The following LAMA2 variants were observed in gnomAD, a reference collection of about 807,000 sequenced individuals.
LAMA2 encodes the protein laminin subunit alpha 2, also known as laminin subunit alpha-2.
LAMA2 carries 269 observed loss-of-function variants against 364.8 expected under a neutral mutation model. The observed-to-expected ratio is 0.74, with a 90% CI of 0.67 to 0.82. The LOEUF (loss-of-function observed/expected upper bound fraction) is 0.82. LAMA2 is among the 40% of genes least tolerant of loss of function. The probability of loss-of-function intolerance (pLI) is 0.00; values close to 1 mark genes in which losing one functional copy is unlikely to be tolerated. For missense variants in LAMA2, 3,807 were observed against 3,873.2 expected (o/e 0.98, Z 0.45); for synonymous variants, 1,379 against 1,370.6 (o/e 1.01, Z -0.14).
intron 22 of LAMA2, among the ~76,000 whole-genome samples, chr6:129,301,794 G>A (rs1485984704): frequency 6.6e-6 from 1 of 152,058 alleles, no homozygotes; most frequent in Non-Finnish European, 1.5e-5. Flanking sequence ...CCATTGCAGT[G>A]AAGTCCCCAT....
chr6:129,157,520 C>T (rs1405530893), intron 8 of LAMA2: 33 of 1,611,870 alleles, frequency 2.0e-5, no homozygotes, highest in Non-Finnish European at 2.5e-5. Flanking sequence ...GATGGTTTAA[C>T]CGTCAGATTT....
intron 3 of LAMA2, among the ~76,000 whole-genome samples, chr6:129,071,604 C>T (rs1221747820): frequency 2.6e-5 from 4 of 151,942 alleles, no homozygotes; most frequent in Non-Finnish European, 5.9e-5. Flanking sequence ...TTGTATTTTT[C>T]ATTATCATTT....
intron 8 of LAMA2, among the ~76,000 whole-genome samples, chr6:129,161,305 G>A (rs1213246127): frequency 6.6e-6 from 1 of 151,982 alleles, no homozygotes; most frequent in Non-Finnish European, 1.5e-5. Context: ...CTTATAAAGA[G>A]TAAAATAGAT....
intron 12 of LAMA2, among the ~76,000 whole-genome samples, chr6:129,197,992 C>A (rs1261106301): frequency 9.9e-5 from 15 of 151,980 alleles, no homozygotes; most frequent in Admixed American, 9.2e-4. Context: ...CAGTGTTTTA[C>A]ATTTTGTTTA....
chr6:129,006,850 G>A (rs1043540057), intron 1 of LAMA2, among the ~76,000 whole-genome samples: 1 of 152,022 alleles, frequency 6.6e-6, no homozygotes, highest in Non-Finnish European at 1.5e-5. Flanking sequence ...TGTCATGCTG[G>A]ACTCTGCAGT....
chr6:129,282,052 T>C (rs1788753660), intron 18 of LAMA2, among the ~76,000 whole-genome samples: 1 of 152,152 alleles, frequency 6.6e-6, no homozygotes, highest in African/African-American at 2.4e-5. Context: ...AAAACCATTC[T>C]GTAAGTGATT....
At chr6:128,888,878 G>A (rs1440651888) in intron 1 of LAMA2, among the ~76,000 whole-genome samples, 1 of 152,174 alleles carries the variant, frequency 6.6e-6, no homozygotes, top group Non-Finnish European at 1.5e-5. Context: ...CATGGGACTA[G>A]ACCAACAGTC....
intron 12 of LAMA2, among the ~76,000 whole-genome samples, chr6:129,202,942 G>A (rs916467974): frequency 2.0e-5 from 3 of 152,192 alleles, no homozygotes; most frequent in Non-Finnish European, 4.4e-5. Flanking sequence ...CAGGTGAATA[G>A]CAATGCTTTG....
intron 22 of LAMA2, among the ~76,000 whole-genome samples, chr6:129,309,902 ATT>A (rs993652081): frequency 6.6e-5 from 9 of 135,736 alleles, no homozygotes; most frequent in Non-Finnish European, 1.1e-4. Flanking sequence ...CCTGATAATC[ATT>A]TTTTTTTTTT....
chr6:129,013,362 G>C (rs548711025), intron 1 of LAMA2, among the ~76,000 whole-genome samples: 19 of 152,108 alleles, frequency 1.2e-4, no homozygotes, highest in African/African-American at 4.6e-4. Flanking sequence ...GCGGGAACCC[G>C]GGAGGCGGAG....
intron 16 of LAMA2, among the ~76,000 whole-genome samples, chr6:129,268,550 G>A (rs547848734): frequency 1.3e-5 from 2 of 152,072 alleles, no homozygotes; most frequent in South Asian, 4.1e-4. Flanking sequence ...GAATTCATTA[G>A]GATGAAAGCA....
intron 29 of LAMA2, among the ~76,000 whole-genome samples, chr6:129,336,068 G>A (rs1775941002): frequency 6.6e-6 from 1 of 152,162 alleles, no homozygotes; most frequent in South Asian, 2.1e-4. Context: ...TAAAATGTAG[G>A]AAACTGATTG....
At chr6:129,458,949 A>C (rs897412118) in intron 48 of LAMA2, among the ~76,000 whole-genome samples, 1 of 152,126 alleles carries the variant, frequency 6.6e-6, no homozygotes, top group South Asian at 2.1e-4. Context: ...ATCTGAGTAA[A>C]TATGGGTTCA....
intron 58 of LAMA2, among the ~76,000 whole-genome samples, chr6:129,493,690 AT>A (rs1242532770): frequency 6.6e-6 from 1 of 152,212 alleles, no homozygotes; most frequent in East Asian, 1.9e-4. Context: ...TCAATATTAT[AT>A]GTAATTCTCA....
intron 1 of LAMA2, among the ~76,000 whole-genome samples, chr6:128,957,243 C>A (rs1038346367): frequency 1.3e-5 from 2 of 151,976 alleles, no homozygotes; most frequent in Non-Finnish European, 2.9e-5. Flanking sequence ...CAGTACTATT[C>A]TATTTTTATT....
At chr6:128,985,323 C>A (rs181170852) in intron 1 of LAMA2, among the ~76,000 whole-genome samples, 1 of 152,252 alleles carries the variant, frequency 6.6e-6, no homozygotes, top group African/African-American at 2.4e-5. Context: ...TAAAACTATT[C>A]AGTGCTTATG....
At chr6:128,942,631 A>G (rs1780227216) in intron 1 of LAMA2, among the ~76,000 whole-genome samples, 1 of 152,168 alleles carries the variant, frequency 6.6e-6, no homozygotes, top group Non-Finnish European at 1.5e-5. Context: ...GTTTTCTTCT[A>G]GTTGATGCTT....
At chr6:129,467,748 T>A (rs1441450066) in intron 51 of LAMA2, among the ~76,000 whole-genome samples, 2 of 151,868 alleles carry the variant, frequency 1.3e-5, no homozygotes, top group Non-Finnish European at 2.9e-5. Flanking sequence ...AAACAAAAGA[T>A]CTGTGCTCTG....
At chr6:129,044,189 T>TACAC (rs1554204621) in intron 1 of LAMA2, among the ~76,000 whole-genome samples, 2 of 151,184 alleles carry the variant, frequency 1.3e-5, no homozygotes, top group Non-Finnish European at 1.5e-5. Flanking sequence ...TATATATATA[T>TACAC]ACACACACAT....
Sources: gnomAD v4.1 joint callset for allele counts (sites outside exome capture counted in the v4.1 genomes callset) on GRCh38, gnomAD v4.1.1 for gene constraint, MANE v1.5 for transcripts, NCBI Gene and HGNC (gene_info 2026-07-23, HGNC 2026-07-21) for gene names.